JAK1: variants seen among roughly 807,000 people sequenced by gnomAD.
JAK1 encodes the protein tyrosine-protein kinase JAK1.
Under a neutral mutation model 136.6 loss-of-function variants are expected in JAK1, and 16 were observed. The ratio of observed to expected loss-of-function variants is 0.12; its 90% CI spans 0.08 to 0.18. The LOEUF (loss-of-function observed/expected upper bound fraction) is 0.18. Ranked by LOEUF, JAK1 falls within the 10% of genes least tolerant of loss-of-function variation. JAK1 has a pLI of 1.00. For synonymous variants in JAK1, 492 were observed against 519.5 expected, an observed-to-expected ratio of 0.95 and a Z score of 0.72; for missense variants, 859 against 1,450.1, an observed-to-expected ratio of 0.59 and a Z score of 6.62.
rs1334408630 is a variant in JAK1 at position 64,834,472 on chromosome 1, T to C, written c.*90A>G. ...ACTTTTTGGACAGAACACAAACTTC[T>C]TTCATTAGAAATTTTTAAAAAATGA... is the stretch of plus-strand genomic sequence containing the variant. On this transcript the variant is annotated 3_prime_UTR_variant, in exon 25 of 25. Coordinates refer to ENST00000342505, the MANE Select transcript of JAK1 (RefSeq NM_002227.4). 2 of 872,614 alleles carry C rather than the reference T, an allele frequency of 2.3e-6. No individual in the cohort carries two copies. The highest frequency in any genetic ancestry group is 5.1e-5 in the East Asian group (2 of 39,452). The allele number at this position is 872,614 out of a possible 1,614,324, so 54.1% of individuals were successfully genotyped here. A position where few individuals can be genotyped will look rare whatever the true frequency, so the allele number is the denominator to read the frequency against.
intron 1 of JAK1, among the ~76,000 whole-genome samples, chr1:64,907,309 GTTCTGAAAGGTTTTGA>G (rs1436525212): frequency 1.3e-5 from 2 of 152,124 alleles, no homozygotes; most frequent in African/African-American, 4.8e-5. Context: ...AAAAGGCTGG[GTTCTGAAAGGTTTTGA>G]TTCTGAAAGA....
chr1:65,061,891 T>G (rs377429119), intron 1 of JAK1, among the ~76,000 whole-genome samples: 2 of 152,254 alleles, frequency 1.3e-5, no homozygotes, highest in African/African-American at 4.8e-5. Context: ...CAAGAAAATG[T>G]CAAGGACCAC....
chr1:64,922,953 C>T (rs1434739391), intron 1 of JAK1, among the ~76,000 whole-genome samples: 1 of 152,040 alleles, frequency 6.6e-6, no homozygotes, highest in Non-Finnish European at 1.5e-5. Flanking sequence ...CAAGGACCAA[C>T]CACAGTGGAA....
chr1:64,894,819 T>C (rs1402851915), intron 1 of JAK1, among the ~76,000 whole-genome samples: 2 of 151,902 alleles, frequency 1.3e-5, no homozygotes, highest in Non-Finnish European at 2.9e-5. Context: ...AAGAAAAATC[T>C]TTCTCTACAT....
At chr1:65,025,101 C>G (rs1646967588) in intron 2 of JAK1, among the ~76,000 whole-genome samples, 1 of 152,184 alleles carries the variant, frequency 6.6e-6, no homozygotes, top group Admixed American at 6.5e-5. Flanking sequence ...TATAGCAGCT[C>G]CAGCCACACG....
At chr1:64,913,540 C>A (rs1434851072) in intron 1 of JAK1, among the ~76,000 whole-genome samples, 1 of 145,796 alleles carries the variant, frequency 6.9e-6, no homozygotes, top group African/African-American at 2.5e-5. Context: ...ACTAATCATT[C>A]AATAGTTACA....
At chr1:65,019,851 G>T (rs904648076) in intron 2 of JAK1, among the ~76,000 whole-genome samples, 1 of 151,876 alleles carries the variant, frequency 6.6e-6, no homozygotes, top group African/African-American at 2.4e-5. Flanking sequence ...GGGAGGCAGA[G>T]GTTGCAGTGA....
At chr1:64,846,500 A>C in intron 14 of JAK1, 149 bp downstream of exon 14, 2 of 622,432 alleles carry the variant, frequency 3.2e-6, no homozygotes, top group Non-Finnish European at 5.8e-6. Context: ...ACTTAAGCAA[A>C]TGACCTGCTC....
At chr1:64,851,314 C>T (rs1655576987) in intron 11 of JAK1, among the ~76,000 whole-genome samples, 1 of 152,106 alleles carries the variant, frequency 6.6e-6, no homozygotes, top group African/African-American at 2.4e-5. Flanking sequence ...CTCCACAGCC[C>T]GGTACATAGT....
chr1:64,943,300 G>T (rs974339860), intron 1 of JAK1, among the ~76,000 whole-genome samples: 1 of 152,136 alleles, frequency 6.6e-6, no homozygotes, highest in Non-Finnish European at 1.5e-5. Flanking sequence ...ATCCCCAGAA[G>T]AAACCAAGTC....
rs1242197821 is a variant in JAK1, at chr1:64,866,953, C to G, written c.903G>C (p.Trp301Cys). ...CGTTTCCACCGTCATTCGAATGAAA[C>G]CAATTCATCTCATTTTCTGATGAAA... is the stretch of plus-strand genomic sequence containing the variant. ...LLISSENEMN[W>C]FHSNDGGNVL... Residue 301 changes from tryptophan (W) to cysteine (C), a missense_variant, in exon 7 of 25, where the codon TGG becomes TGC. This residue lies in a region of JAK1 where 353 missense variants were observed against 494.0 expected (regional missense o/e 0.71). Transcript: ENST00000342505. The G allele has an allele frequency of 6.2e-7, 1 of 1,614,176 alleles. No homozygotes were observed. Among genetic ancestry groups the G allele is most frequent in the African/African-American group, 1.3e-5 (1 of 75,060 alleles).
intron 1 of JAK1, among the ~76,000 whole-genome samples, chr1:64,906,155 G>A (rs542526344): frequency 2.8e-4 from 43 of 152,226 alleles, no homozygotes; most frequent in African/African-American, 8.2e-4. Flanking sequence ...TTAGCTGGGC[G>A]TGGTGGTGCA....
At chr1:64,980,840 T>G (rs1252897876) in intron 2 of JAK1, among the ~76,000 whole-genome samples, 1 of 152,138 alleles carries the variant, frequency 6.6e-6, no homozygotes, top group African/African-American at 2.4e-5. Flanking sequence ...TTTTTTGTCC[T>G]TGCGATAGTT....
At chr1:64,876,382 T>C (rs1218543417) in intron 4 of JAK1, 2 of 152,206 alleles carry the variant, frequency 1.3e-5, no homozygotes, top group Non-Finnish European at 2.9e-5. Flanking sequence ...TGTGGGACCA[T>C]CTTTGTCTTG....
intron 2 of JAK1, among the ~76,000 whole-genome samples, chr1:65,029,036 CA>C (rs1293243586): frequency 6.6e-6 from 1 of 151,922 alleles, no homozygotes; most frequent in Non-Finnish European, 1.5e-5. Flanking sequence ...GGTCAAGGCT[CA>C]ATATCAGTTA....
intron 10 of JAK1, among the ~76,000 whole-genome samples, chr1:64,856,431 G>A (rs966695436): frequency 1.2e-4 from 19 of 152,112 alleles, no homozygotes; most frequent in Non-Finnish European, 2.2e-4. Context: ...GCTTAAAAAA[G>A]CACAAGTAGG....
At chr1:65,048,573 T>C (rs985527883) in intron 1 of JAK1, among the ~76,000 whole-genome samples, 1 of 152,212 alleles carries the variant, frequency 6.6e-6, no homozygotes, top group Non-Finnish European at 1.5e-5. Context: ...ACTAGCTCCT[T>C]GGCTGCAGTC....
At chr1:64,842,575 G>A (rs543649986) in intron 17 of JAK1, among the ~76,000 whole-genome samples, 62 of 152,278 alleles carry the variant, frequency 4.1e-4, no homozygotes, top group African/African-American at 1.4e-3. Context: ...AGTGCAGCCT[G>A]CAGAAAAGCC....
In JAK1 at chr1:64,868,630, G is replaced by A. The variant is rs375211899; in HGVS notation, c.647+681C>T. Among the ~76,000 whole-genome samples, 210 of 152,264 alleles carry A rather than the reference G, an allele frequency of 1.4e-3. 6 individuals carry two copies. The South Asian group carries it at 0.043, about 31-fold the overall frequency. Reference sequence around the variant, plus strand: ...GGTCAAGCGCAAGGAGAAACAAGCAGCAACCTAATGAGAAGACGCACGCCG... The same window carrying A: ...GGTCAAGCGCAAGGAGAAACAAGCAACAACCTAATGAGAAGACGCACGCCG... On this transcript the variant is annotated intron_variant, in intron 6 of 24. Transcript: ENST00000342505.
Sources: gnomAD v4.1 joint callset for allele counts (sites outside exome capture counted in the v4.1 genomes callset) on GRCh38, gnomAD v4.1.1 for gene constraint, gnomAD v4.1.1 regional missense constraint, MANE v1.5 for transcripts, NCBI Gene and HGNC (gene_info 2026-07-23, HGNC 2026-07-21) for gene names.